The following RIC3 variants were observed in gnomAD, a reference collection of about 807,000 sequenced individuals.
RIC3 encodes the protein RIC3 acetylcholine receptor chaperone.
In RIC3, 28 loss-of-function variants were observed where a neutral mutation model predicts 27.3. The ratio of observed to expected loss-of-function variants is 1.02; its 90% CI spans 0.76 to 1.41. The LOEUF (loss-of-function observed/expected upper bound fraction) is 1.41. Ranked by LOEUF, RIC3 falls within the 40% of genes most tolerant of loss-of-function variation. The pLI is 0.00. For missense variants in RIC3, 501 were observed against 444.7 expected, an observed-to-expected ratio of 1.13 and a Z score of -1.14; for synonymous variants, 184 against 160.4, an observed-to-expected ratio of 1.15 and a Z score of -1.11.
intron 1 of RIC3, among the ~76,000 whole-genome samples, chr11:8,150,136 A>C (rs1394759707): frequency 6.6e-6 from 1 of 152,160 alleles, no homozygotes; most frequent in Non-Finnish European, 1.5e-5. Flanking sequence ...CACCCTGCTC[A>C]GCATGAATTC....
At chr11:8,103,486 G>A (rs1406036856), downstream of RIC3, 1 of 152,574 alleles carries the variant, frequency 6.6e-6, no homozygotes, top group Non-Finnish European at 1.5e-5. Flanking sequence ...TCATTTCTTT[G>A]TAATCTAGAT....
At chr11:8,152,488 C>G (rs1950328075) in intron 1 of RIC3, among the ~76,000 whole-genome samples, 1 of 152,046 alleles carries the variant, frequency 6.6e-6, no homozygotes, top group African/African-American at 2.4e-5. Context: ...TTATATGGTT[C>G]CATTAATAAG....
rs181089345 is a variant in RIC3, at chr11:8,120,361, T to C, written c.670+6298A>G. Reference sequence around the variant, plus strand: ...TACACCATGGAATACTATGCATCCATAAAAAAGGATGAGTTCATGTCCCTT... The same window carrying C: ...TACACCATGGAATACTATGCATCCACAAAAAAGGATGAGTTCATGTCCCTT... On this transcript the variant is annotated intron_variant, in intron 5 of 5. Coordinates refer to ENST00000309737, the MANE Select transcript of RIC3 (RefSeq NM_001206671.4). 6.5e-3 allele frequency among the ~76,000 whole-genome samples: 993 copies of C among 152,164 alleles called. 21 individuals are homozygous for C. The highest frequency in any genetic ancestry group is 0.051 in the Admixed American group (784 of 15,284).
intron 5 of RIC3, among the ~76,000 whole-genome samples, chr11:8,112,014 A>G (rs1418583864): frequency 6.6e-6 from 1 of 152,256 alleles, no homozygotes; most frequent in Non-Finnish European, 1.5e-5. Flanking sequence ...ATAATTGGCA[A>G]ATTCAACCCT....
intron 5 of RIC3, among the ~76,000 whole-genome samples, chr11:8,122,929 A>T (rs539404543): frequency 1.4e-4 from 21 of 151,962 alleles, no homozygotes; most frequent in Admixed American, 3.3e-4. Context: ...TAGTCAACAG[A>T]AACATTCCCA....
chr11:8,123,897 A>G (rs1946729644), intron 5 of RIC3, among the ~76,000 whole-genome samples: 1 of 150,580 alleles, frequency 6.6e-6, no homozygotes, highest in South Asian at 2.1e-4. Flanking sequence ...CTAATTTTTT[A>G]AATTTAAAAA....
chr11:8,160,033 A>G (rs898031944), intron 1 of RIC3, among the ~76,000 whole-genome samples: 3 of 152,164 alleles, frequency 2.0e-5, no homozygotes, highest in African/African-American at 7.2e-5. Context: ...GTAAAAAAAG[A>G]AAGAAAAAAA....
chr11:8,103,681 A>G (rs17323959), downstream of RIC3: 7,825 of 152,642 alleles, frequency 0.051, 219 homozygotes, highest in African/African-American at 0.066. Context: ...CCTCCTTTCT[A>G]TAGTTCCAGT....
intron 1 of RIC3, among the ~76,000 whole-genome samples, chr11:8,154,322 T>C (rs1295439281): frequency 6.6e-6 from 1 of 152,222 alleles, no homozygotes; most frequent in Non-Finnish European, 1.5e-5. Context: ...CTATAAACAA[T>C]ATATAAGCAT....
intron 5 of RIC3, among the ~76,000 whole-genome samples, chr11:8,120,997 CTT>C (rs1332709885): frequency 6.6e-6 from 1 of 152,030 alleles, no homozygotes; most frequent in African/African-American, 2.4e-5. Flanking sequence ...TAAAGGTATT[CTT>C]GACAAATACA....
chr11:8,095,803 G>C, the RIC3 span: 2 of 966,878 alleles, frequency 2.1e-6, no homozygotes, highest in Non-Finnish European at 3.0e-6. Flanking sequence ...ACACTTCGGA[G>C]ACAAATGAGA....
the RIC3 span, chr11:8,097,964 A>G: frequency 1.5e-6 from 1 of 676,334 alleles, no homozygotes; most frequent in East Asian, 2.7e-5. Context: ...TGATAATCAC[A>G]TCCAACTGGA....
At chr11:8,153,349 T>C (rs894350950) in intron 1 of RIC3, 14 of 427,008 alleles carry the variant, frequency 3.3e-5, no homozygotes, top group South Asian at 2.2e-4. Context: ...ACAGGGAGCA[T>C]AGTTACAATG....
intron 5 of RIC3, among the ~76,000 whole-genome samples, chr11:8,124,700 T>C (rs1414197099): frequency 2.0e-5 from 3 of 152,136 alleles, no homozygotes; most frequent in Non-Finnish European, 2.9e-5. Flanking sequence ...TGGAACAGAA[T>C]AGAGCCCAGA....
chr11:8,105,690 A>C (rs574572835), downstream of RIC3: 2 of 148,586 alleles, frequency 1.3e-5, no homozygotes, highest in East Asian at 3.9e-4. Context: ...TGCTTTCATC[A>C]CTACCTTTAT....
chr11:8,155,005 GC>G (rs948957857), intron 1 of RIC3, among the ~76,000 whole-genome samples: 5 of 151,976 alleles, frequency 3.3e-5, no homozygotes, highest in African/African-American at 1.2e-4. Flanking sequence ...AACTGCTTGA[GC>G]CCAGGAGTTC....
chr11:8,103,886 C>T (rs1032748434), downstream of RIC3: 5 of 152,264 alleles, frequency 3.3e-5, no homozygotes, highest in African/African-American at 1.2e-4. Flanking sequence ...AAGGAAAACT[C>T]TTGGCCTCTG....
At chr11:8,163,018 A>AACACACACACAC (rs59248468) in intron 1 of RIC3, among the ~76,000 whole-genome samples, 2,775 of 135,956 alleles carry the variant, frequency 0.02, 36 homozygotes, top group African/African-American at 0.026. Flanking sequence ...GGATTATTTA[A>AACACACACACAC]ACACACACAC....
intron 1 of RIC3, among the ~76,000 whole-genome samples, chr11:8,140,406 G>T (rs945585684): frequency 2.6e-5 from 4 of 152,046 alleles, no homozygotes; most frequent in Non-Finnish European, 5.9e-5. Flanking sequence ...TCTTCCCTCT[G>T]GGTCCTTAGC....
Sources: allele counts gnomAD v4.1 joint callset (sites outside exome capture counted in the v4.1 genomes callset), GRCh38; gene constraint gnomAD v4.1.1; transcripts MANE v1.5; gene names NCBI Gene and HGNC (gene_info 2026-07-23, HGNC 2026-07-21).